WDR72: variants seen among roughly 807,000 people sequenced by gnomAD.
WDR72 encodes the protein WD repeat domain 72, also known as WD repeat-containing protein 72.
A neutral mutation model predicts 124.2 loss-of-function variants in WDR72; 120 were observed. That is an observed-to-expected ratio of 0.97 (90% CI 0.83 to 1.12). The LOEUF (loss-of-function observed/expected upper bound fraction) is 1.12, where lower values mean the gene tolerates loss of function less well. Among genes scored for constraint, WDR72 ranks in the 50% most tolerant of loss-of-function variants. The pLI, the probability that WDR72 is intolerant of heterozygous loss-of-function variation, is 0.00. For missense variants in WDR72, 1,387 were observed against 1,278.8 expected, an observed-to-expected ratio of 1.08 and a Z score of -1.29; for synonymous variants, 452 against 441.7, an observed-to-expected ratio of 1.02 and a Z score of -0.29.
intron 11 of WDR72, among the ~76,000 whole-genome samples, chr15:53,703,816 C>G (rs569376015): frequency 6.6e-6 from 1 of 152,146 alleles, no homozygotes; most frequent in African/African-American, 2.4e-5. Context: ...TATTATACTT[C>G]GGAAACTTCT....
chr15:53,658,216 T>C (rs2015493944), intron 14 of WDR72, among the ~76,000 whole-genome samples: 1 of 152,196 alleles, frequency 6.6e-6, no homozygotes, highest in Non-Finnish European at 1.5e-5. Context: ...GAAATTTTTT[T>C]ACATTTCAAG....
At chr15:53,652,048 C>T (rs941947555) in intron 14 of WDR72, 1 of 152,182 alleles carries the variant, frequency 6.6e-6, no homozygotes, top group Non-Finnish European at 1.5e-5. Context: ...AATTGTTTAA[C>T]TAGCATGTTC....
At chr15:53,622,493 G>A (rs1171754192) in intron 14 of WDR72, among the ~76,000 whole-genome samples, 1 of 152,106 alleles carries the variant, frequency 6.6e-6, no homozygotes, top group African/African-American at 2.4e-5. Flanking sequence ...GGATGGAGCT[G>A]CAAGCCATTA....
chr15:53,639,956 A>G (rs2014786041), intron 14 of WDR72, among the ~76,000 whole-genome samples: 2 of 152,222 alleles, frequency 1.3e-5, no homozygotes, highest in Admixed American at 6.5e-5. Context: ...ATTGAATCAT[A>G]TAATCATGGA....
chr15:53,741,865 C>T (rs2018519898), intron 1 of WDR72, among the ~76,000 whole-genome samples: 1 of 152,016 alleles, frequency 6.6e-6, no homozygotes, highest in African/African-American at 2.4e-5. Flanking sequence ...GTAGCTGGGA[C>T]TACAGGCACC....
At chr15:53,650,706 G>A (rs765926793) in intron 14 of WDR72, among the ~76,000 whole-genome samples, 34 of 151,988 alleles carry the variant, frequency 2.2e-4, no homozygotes, top group African/African-American at 1.2e-4. Context: ...CATCTAAAGC[G>A]GTTCCTCCCA....
intron 1 of WDR72, among the ~76,000 whole-genome samples, chr15:53,747,822 T>G (rs769343438): frequency 8.5e-5 from 13 of 152,180 alleles, no homozygotes; most frequent in Non-Finnish European, 1.5e-4. Context: ...AACAATTCAA[T>G]TCTTTCTGGG....
chr15:53,619,084 A>G (rs932602941), intron 14 of WDR72, among the ~76,000 whole-genome samples: 1 of 152,014 alleles, frequency 6.6e-6, no homozygotes, highest in Non-Finnish European at 1.5e-5. Flanking sequence ...TTCTTCTAAA[A>G]AAACAAAATG....
chr15:53,552,048 C>A (rs1893750238), intron 18 of WDR72, among the ~76,000 whole-genome samples: 1 of 151,986 alleles, frequency 6.6e-6, no homozygotes, highest in South Asian at 2.1e-4. Context: ...ACAGAAAATT[C>A]GTTGTTTGGA....
intron 1 of WDR72, among the ~76,000 whole-genome samples, chr15:53,758,827 G>T (rs922368520): frequency 9.0e-5 from 12 of 133,918 alleles, no homozygotes. Context: ...CCTACGTTTT[G>T]TTTAACAGAA....
Position 53,705,046 on chromosome 15 carries a change from AATG to A in WDR72, c.1287_1289del (p.Ile430del). On this transcript the variant is annotated inframe_deletion, in exon 11 of 20. Coordinates refer to ENST00000360509, the MANE Select transcript of WDR72 (RefSeq NM_182758.4). ...CTTTGGCAGCATTCAAAGCCTGGGT[AATG>A]ATAATTGTCCCATCTTCACAGCCAC... 1.2e-6 allele frequency: 2 copies of A among 1,614,056 alleles called. No individual in the cohort carries two copies. The highest frequency in any genetic ancestry group is 1.7e-6 in the Non-Finnish European group (2 of 1,179,980).
intron 13 of WDR72, among the ~76,000 whole-genome samples, chr15:53,690,739 C>T (rs550505939): frequency 3.9e-5 from 6 of 152,200 alleles, no homozygotes; most frequent in African/African-American, 1.4e-4. Flanking sequence ...TGTACTTTGG[C>T]CATTATGAAT....
intron 18 of WDR72, among the ~76,000 whole-genome samples, chr15:53,582,085 A>AT (rs2011958004): frequency 6.6e-6 from 1 of 151,988 alleles, no homozygotes; most frequent in Non-Finnish European, 1.5e-5. Flanking sequence ...TACAGTTGTT[A>AT]TAACTGGAGC....
chr15:53,712,734 T>G lies in WDR72; in HGVS notation c.711+38A>C, dbSNP rs758939015. The G allele has an allele frequency of 5.0e-6, 8 of 1,591,144 alleles. No individual in the cohort carries two copies. In the African/African-American group the frequency reaches 1.1e-4, roughly 21 times the overall value. On this transcript the variant is annotated intron_variant, in intron 7 of 19. Transcript: ENST00000360509. ...TGTACAAAACAAAAAAAATTACACTTGTACATCACTGGTATTTATTATGTT... is the reference window on the plus strand; with the variant it reads ...TGTACAAAACAAAAAAAATTACACTGGTACATCACTGGTATTTATTATGTT...
intron 14 of WDR72, among the ~76,000 whole-genome samples, chr15:53,627,375 C>T (rs1037765196): frequency 6.6e-6 from 1 of 152,152 alleles, no homozygotes; most frequent in African/African-American, 2.4e-5. Flanking sequence ...ACACTCCTTG[C>T]CTTATAACAT....
chr15:53,717,703 T>A (rs1000178269), intron 3 of WDR72, among the ~76,000 whole-genome samples: 1 of 152,152 alleles, frequency 6.6e-6, no homozygotes, highest in African/African-American at 2.4e-5. Context: ...CTGCCAAATA[T>A]CCTACAATGC....
chr15:53,755,365 T>C (rs2018874063), intron 1 of WDR72, among the ~76,000 whole-genome samples: 3 of 152,236 alleles, frequency 2.0e-5, no homozygotes, highest in Admixed American at 6.5e-5. Flanking sequence ...TTCCCTTAAC[T>C]AAAAATTAAT....
At chr15:53,623,908 G>A (rs946244740) in intron 14 of WDR72, among the ~76,000 whole-genome samples, 33 of 152,238 alleles carry the variant, frequency 2.2e-4, no homozygotes, top group Admixed American at 1.5e-3. Context: ...ACTCATTGTC[G>A]TTTAGAGTTG....
intron 18 of WDR72, among the ~76,000 whole-genome samples, chr15:53,582,816 T>C (rs1265026327): frequency 4.6e-5 from 7 of 151,956 alleles, no homozygotes; most frequent in African/African-American, 1.7e-4. Flanking sequence ...CATCAAACTA[T>C]ATTTTTGACT....
Sources: allele counts gnomAD v4.1 joint callset (sites outside exome capture counted in the v4.1 genomes callset), GRCh38; gene constraint gnomAD v4.1.1; transcripts MANE v1.5; gene names NCBI Gene and HGNC (gene_info 2026-07-23, HGNC 2026-07-21).